The following ARHGAP11A variants were observed in gnomAD, a reference collection of about 807,000 sequenced individuals.
ARHGAP11A encodes Rho GTPase activating protein 11A.
Under a neutral mutation model 60.5 loss-of-function variants are expected in ARHGAP11A, and 36 were observed. That is an observed-to-expected ratio of 0.59 (90% CI 0.46 to 0.79). The LOEUF is 0.79. Among genes scored for constraint, ARHGAP11A ranks in the 30% least tolerant of loss-of-function variants. The probability of loss-of-function intolerance (pLI) is 0.00; values close to 1 mark genes in which losing one functional copy is unlikely to be tolerated. For synonymous variants in ARHGAP11A, 362 were observed against 415.5 expected, an observed-to-expected ratio of 0.87 and a Z score of 1.57; for missense variants, 1,071 against 1,199.2, an observed-to-expected ratio of 0.89 and a Z score of 1.58.
At chr15:32,626,561 C>G (rs1418927590) in intron 6 of ARHGAP11A, among the ~76,000 whole-genome samples, 1 of 152,098 alleles carries the variant, frequency 6.6e-6, no homozygotes, top group East Asian at 1.9e-4. Flanking sequence ...TCTTTACCTC[C>G]TTTGTAGATA....
chr15:32,632,541 G>A (rs1226181670), intron 8 of ARHGAP11A, among the ~76,000 whole-genome samples: 2 of 152,020 alleles, frequency 1.3e-5, no homozygotes, highest in Admixed American at 6.5e-5. Context: ...ACCATTAATT[G>A]GTATTATGTA....
At chr15:32,618,622 AAGC>A (rs1478623742) in intron 1 of ARHGAP11A, among the ~76,000 whole-genome samples, 1 of 152,014 alleles carries the variant, frequency 6.6e-6, no homozygotes, top group Non-Finnish European at 1.5e-5. Context: ...CTCAGCTGTT[AAGC>A]AAGAGTTAAG....
At chr15:32,618,761 C>A (rs1160226714) in intron 1 of ARHGAP11A, among the ~76,000 whole-genome samples, 1 of 7,746 alleles carries the variant, frequency 1.3e-4, no homozygotes, top group East Asian at 2.6e-3. Flanking sequence ...CGGTGAAACC[C>A]CCCCCCCCCC....
chr15:32,635,986 A>G (rs758630625), intron 11 of ARHGAP11A, 71 bp downstream of exon 11: 2 of 1,495,038 alleles, frequency 1.3e-6, no homozygotes, highest in South Asian at 2.8e-5. Context: ...ATGGCAAAAC[A>G]TATTAATTAA....
intron 10 of ARHGAP11A, 30 bp from the exon 11 acceptor site, chr15:32,635,744 TTTC>T (rs1485931139): frequency 6.9e-7 from 1 of 1,448,492 alleles, no homozygotes; most frequent in African/African-American, 1.5e-5. Flanking sequence ...ACTAGGCTTA[TTTC>T]TTAACTAAAA....
In ARHGAP11A at chr15:32,615,602, C is replaced by G. The variant is rs1299197321; in HGVS notation, c.-610C>G. On this transcript the variant is annotated 5_prime_UTR_variant, in exon 1 of 12. Transcript: ENST00000361627. ...AGTGAACGCACCGGGATGTGCAGGC[C>G]GGGAGGTAGAGGCAGGCTGATGGGG... 1.3e-5 allele frequency: 2 copies of G among 152,556 alleles called. No homozygotes were observed. Among genetic ancestry groups the G allele is most frequent in the African/African-American group, 4.8e-5 (2 of 41,326 alleles). The allele number at this position is 152,556 out of a possible 1,614,324, so 9.5% of individuals were successfully genotyped here. A position where few individuals can be genotyped will look rare whatever the true frequency, so the allele number is the denominator to read the frequency against.
chr15:32,618,518 G>T (rs952108253), intron 1 of ARHGAP11A, among the ~76,000 whole-genome samples: 1 of 152,256 alleles, frequency 6.6e-6, no homozygotes, highest in Non-Finnish European at 1.5e-5. Context: ...CAAGTGTTTT[G>T]TATGTTTTAA....
At chr15:32,619,752 T>C (rs2140442064) in intron 1 of ARHGAP11A, among the ~76,000 whole-genome samples, 1 of 152,330 alleles carries the variant, frequency 6.6e-6, no homozygotes, top group South Asian at 2.1e-4. Context: ...AAGCAACCTA[T>C]AGTATTTTGG....
chr15:32,625,668 A>G, intron 6 of ARHGAP11A, 35 bp downstream of exon 6: 1 of 1,610,676 alleles, frequency 6.2e-7, no homozygotes. Context: ...AGGTACAGTG[A>G]TTTGCTTTAA....
At chr15:32,619,748 C>CTT (rs149428682) in intron 1 of ARHGAP11A, among the ~76,000 whole-genome samples, 1 of 151,628 alleles carries the variant, frequency 6.6e-6, no homozygotes, top group Non-Finnish European at 1.5e-5. Flanking sequence ...ATTAAAGCAA[C>CTT]CTATAGTATT....
At chr15:32,623,458 T>C (rs781611991) in intron 2 of ARHGAP11A, 34 bp from the exon 3 acceptor site, 1 of 1,587,926 alleles carries the variant, frequency 6.3e-7, no homozygotes, top group Non-Finnish European at 8.6e-7. Flanking sequence ...ATGTGATATG[T>C]ATGTCTAGCC....
rs779388959 is a variant in ARHGAP11A at position 32,636,612 on chromosome 15, G to C, written c.1839G>C (p.Leu613Phe). 2 of 1,613,950 alleles carry C rather than the reference G, an allele frequency of 1.2e-6. No individual in the cohort carries two copies. The highest frequency in any genetic ancestry group is 1.1e-5 in the South Asian group (1 of 91,040). ...AATCTGGAAGTAATCTTCACGCATT[G>C]ATGAATCAGAGGCAGTCATCAGTAA... The part of the protein sequence containing the change: ...FSESGSNLHA[L>F]MNQRQSSVTN... Residue 613 changes from leucine to phenylalanine, a missense_variant, in exon 12 of 12, where the codon TTG becomes TTC. Coordinates refer to ENST00000361627, the MANE Select transcript of ARHGAP11A (RefSeq NM_014783.6).
In ARHGAP11A at chr15:32,637,726, A is replaced by G; in HGVS notation, c.2953A>G (p.Ile985Val). Residue 985 changes from isoleucine to valine, a missense_variant, in exon 12 of 12, where the codon ATA becomes GTA. Physicochemically the swap from Ile to Val is conservative, Grantham distance 29 (BLOSUM62 3). Around this residue, in one of 4 missense-constraint regions of ARHGAP11A, gnomAD observed 776 missense variants for 760.2 expected, o/e 1.02. Transcript: ENST00000361627. ...VNNNMGISSG[I>V]NNRVLRRPSE... ...TAACAACATGGGCATTTCTTCTGGG[A>G]TAAATAACAGGGTCCTTAGGAGACC... The G allele has an allele frequency of 6.2e-7, 1 of 1,614,192 alleles. No individual in the cohort carries two copies. Among genetic ancestry groups the G allele is most frequent in the Non-Finnish European group, 8.5e-7 (1 of 1,180,028 alleles).
intron 1 of ARHGAP11A, among the ~76,000 whole-genome samples, chr15:32,617,603 C>CT (rs1346062157): frequency 6.6e-6 from 1 of 151,846 alleles, no homozygotes; most frequent in Non-Finnish European, 1.5e-5. Context: ...TCCCGAGTAG[C>CT]TGGGACTACA....
intron 11 of ARHGAP11A, 57 bp downstream of exon 11, chr15:32,635,972 T>A: frequency 6.6e-7 from 1 of 1,524,204 alleles, no homozygotes; most frequent in Non-Finnish European, 8.8e-7. Flanking sequence ...TAGTTGCTTT[T>A]TTAATGGCAA....
chr15:32,636,966 T>G lies in ARHGAP11A; in HGVS notation c.2193T>G (p.Asp731Glu), dbSNP rs1567060974. ...TAAAGAAACAGCAGTCCCCAAAGGATAAACTAAATAATAAATTAAAAGAGA... is the reference window on the plus strand; with the variant it reads ...TAAAGAAACAGCAGTCCCCAAAGGAGAAACTAAATAATAAATTAAAAGAGA... Reference protein sequence around the residue: ...EEIKKQQSPKDKLNNKLKENE... With the variant: ...EEIKKQQSPKEKLNNKLKENE... Residue 731 changes from aspartate to glutamate, a missense_variant, in exon 12 of 12, where the codon GAT (aspartate) becomes GAG (glutamate). Asp to Glu is a conservative substitution (Grantham distance 45). Coordinates refer to ENST00000361627, the MANE Select transcript of ARHGAP11A (RefSeq NM_014783.6). 5 of 1,609,652 alleles carry G rather than the reference T, an allele frequency of 3.1e-6. No homozygotes were observed. The highest frequency in any genetic ancestry group is 4.2e-6 in the Non-Finnish European group (5 of 1,178,852).
rs756770703 is a variant in ARHGAP11A at position 32,637,519 on chromosome 15, A to C, written c.2746A>C (p.Ile916Leu). The C allele has an allele frequency of 1.2e-6, 2 of 1,613,990 alleles. No individual in the cohort carries two copies. The highest frequency in any genetic ancestry group is 1.7e-6 in the Non-Finnish European group (2 of 1,180,010). ...ATGTGAAGAGTCAAATATTGGTGCA[A>C]TTTCAAAGTCAAGCATGGAGTTACC... ...MSCEESNIGA[I>L]SKSSMELPSK... Residue 916 changes from isoleucine (I) to leucine (L), a missense_variant, in exon 12 of 12, where the codon ATT becomes CTT. By Grantham distance (5) the Ile-to-Leu change is conservative. This residue lies in a region of ARHGAP11A where 776 missense variants were observed against 760.2 expected (regional missense o/e 1.02). Transcript: ENST00000361627.
In ARHGAP11A at chr15:32,637,095, G is replaced by A; in HGVS notation, c.2322G>A (p.Leu774=). 6.2e-7 allele frequency: 1 copy of A among 1,613,998 alleles called. No homozygotes were observed. The highest frequency in any genetic ancestry group is 1.7e-5 in the Admixed American group (1 of 60,030). Reference sequence around the variant, plus strand: ...AGAGTACATGTGTTGTAACAAACTTGTCAAAACCTAGGCCTATGAGAATTG... The same window carrying A: ...AGAGTACATGTGTTGTAACAAACTTATCAAAACCTAGGCCTATGAGAATTG... ...SQQSTCVVTN[L]SKPRPMRIAK... Residue 774 remains leucine (L), a synonymous_variant, in exon 12 of 12, where the codon TTG becomes TTA. Transcript: ENST00000361627.
chr15:32,635,999 T>C (rs2140476879), intron 11 of ARHGAP11A, 84 bp downstream of exon 11: 2 of 1,475,500 alleles, frequency 1.4e-6, no homozygotes, highest in East Asian at 4.8e-5. Flanking sequence ...TTAATTAATT[T>C]ACTGTTCTAG....
Sources: allele counts gnomAD v4.1 joint callset (sites outside exome capture counted in the v4.1 genomes callset), GRCh38; gene constraint gnomAD v4.1.1; regional missense constraint gnomAD v4.1.1; transcripts MANE v1.5; gene names NCBI Gene and HGNC (gene_info 2026-07-23, HGNC 2026-07-21).